The following PSEN1 variants were observed in gnomAD, a reference collection of about 807,000 sequenced individuals.
PSEN1 encodes the protein presenilin-1.
PSEN1 carries 15 observed loss-of-function variants against 53.5 expected under a neutral mutation model. That is an observed-to-expected ratio of 0.28 (90% CI 0.19 to 0.43). The LOEUF (loss-of-function observed/expected upper bound fraction) is 0.43. PSEN1 is among the 20% of genes least tolerant of loss of function. The pLI, the probability that PSEN1 is intolerant of heterozygous loss-of-function variation, is 1.00. For synonymous variants in PSEN1, 208 were observed against 209.8 expected, an observed-to-expected ratio of 0.99 and a Z score of 0.08; for missense variants, 387 against 571.2, an observed-to-expected ratio of 0.68 and a Z score of 3.29.
At chr14:73,184,376 TG>T (rs1898376100) in intron 5 of PSEN1, among the ~76,000 whole-genome samples, 1 of 113,302 alleles carries the variant, frequency 8.8e-6, no homozygotes, top group Non-Finnish European at 1.8e-5. Flanking sequence ...ACGGGGCGGC[TG>T]GCCGGGCGGG....
chr14:73,213,660 CAACATTT>C (rs908233627), intron 10 of PSEN1, among the ~76,000 whole-genome samples: 11 of 152,122 alleles, frequency 7.2e-5, no homozygotes, highest in African/African-American at 2.4e-4. Flanking sequence ...TGTTAAAAGT[CAACATTT>C]AACATTTAAT....
chr14:73,210,993 G>T (rs1043602532), intron 9 of PSEN1, among the ~76,000 whole-genome samples: 1 of 152,018 alleles, frequency 6.6e-6, no homozygotes, highest in African/African-American at 2.4e-5. Context: ...TTCACTCCCC[G>T]CTCCTTTCCC....
At chr14:73,216,701 G>A (rs1328725874) in intron 10 of PSEN1, among the ~76,000 whole-genome samples, 2 of 151,908 alleles carry the variant, frequency 1.3e-5, no homozygotes, top group Non-Finnish European at 2.9e-5. Flanking sequence ...AGAGTCTGCA[G>A]TGAGCCGAGA....
intron 6 of PSEN1, among the ~76,000 whole-genome samples, chr14:73,188,074 G>A (rs952004468): frequency 6.6e-6 from 1 of 151,972 alleles, no homozygotes; most frequent in Admixed American, 6.6e-5. Flanking sequence ...GACTACAGGT[G>A]CGCACCACCA....
chr14:73,207,189 A>G (rs1566650991), intron 9 of PSEN1, among the ~76,000 whole-genome samples: 1 of 152,144 alleles, frequency 6.6e-6, no homozygotes, highest in Non-Finnish European at 1.5e-5. Context: ...ACTTAGGATA[A>G]GAGAGTGAAA....
intron 5 of PSEN1, among the ~76,000 whole-genome samples, chr14:73,181,221 C>T (rs1898202821): frequency 6.6e-6 from 1 of 152,116 alleles, no homozygotes; most frequent in Non-Finnish European, 1.5e-5. Context: ...GGGCGGATCA[C>T]CTGAGGTCAG....
At chr14:73,138,168 T>C (rs531913061) in intron 1 of PSEN1, 33 of 151,540 alleles carry the variant, frequency 2.2e-4, no homozygotes, top group Middle Eastern at 3.4e-3. Context: ...TATCCCTATT[T>C]TAAATTTTCT....
At chr14:73,171,181 G>A in intron 4 of PSEN1, 134 bp downstream of exon 4, 1 of 1,016,758 alleles carries the variant, frequency 9.8e-7, no homozygotes, top group Non-Finnish European at 1.5e-6. Flanking sequence ...TGATGGTCAG[G>A]AGCAGTTGAG....
At chr14:73,188,879 C>G (rs2037676229) in intron 6 of PSEN1, among the ~76,000 whole-genome samples, 1 of 150,792 alleles carries the variant, frequency 6.6e-6, no homozygotes, top group Non-Finnish European at 1.5e-5. Flanking sequence ...ACTTCTGCCT[C>G]CTGGGTTCAA....
At chr14:73,163,732 A>G (rs1280314028) in intron 3 of PSEN1, among the ~76,000 whole-genome samples, 1 of 152,190 alleles carries the variant, frequency 6.6e-6, no homozygotes, top group Non-Finnish European at 1.5e-5. Flanking sequence ...GGCATTCCAG[A>G]TGAACCAGCC....
intron 5 of PSEN1, among the ~76,000 whole-genome samples, chr14:73,185,621 G>A (rs1898481094): frequency 6.9e-6 from 1 of 144,550 alleles, no homozygotes; most frequent in African/African-American, 2.9e-5. Flanking sequence ...GGAGAGAGAG[G>A]GAGAGGGAGA....
Position 73,189,607 on chromosome 14 carries a change from C to T in PSEN1, c.548+2687C>T, listed in dbSNP as rs551648073. ...CACCTGGGCAACAAGAGTGAAACTC[C>T]ATTTCAAAAAAATAAAGTGAAAACA... On this transcript the variant is annotated intron_variant, in intron 6 of 11. Transcript: ENST00000324501. Among the ~76,000 whole-genome samples, 8 of 152,192 alleles carry T rather than the reference C, an allele frequency of 5.3e-5. No individual in the cohort carries two copies. The East Asian group carries it at 1.5e-3, about 29-fold the overall frequency.
At chr14:73,205,478 CAAA>C (rs34992040) in intron 8 of PSEN1, among the ~76,000 whole-genome samples, 4 of 64,668 alleles carry the variant, frequency 6.2e-5, no homozygotes, top group Non-Finnish European at 6.5e-5. Context: ...GACTCTGTCT[CAAA>C]AAAAAAAAAA....
chr14:73,179,811 C>T (rs1266787046), intron 5 of PSEN1, among the ~76,000 whole-genome samples: 1 of 152,122 alleles, frequency 6.6e-6, no homozygotes, highest in Admixed American at 6.5e-5. Context: ...CCCAGCCCAC[C>T]TACCTCTCAT....
Position 73,197,780 on chromosome 14 carries a change from C to T in PSEN1, c.770-251C>T, listed in dbSNP as rs1471473884. 3 of 497,510 alleles carry T rather than the reference C, an allele frequency of 6.0e-6. No homozygotes were observed. In the Admixed American group the frequency reaches 9.8e-5, roughly 16 times the overall value. The allele number at this position is 497,510 out of a possible 1,614,324, so 30.8% of individuals were successfully genotyped here. A position where few individuals can be genotyped will look rare whatever the true frequency, so the allele number is the denominator to read the frequency against. On this transcript the variant is annotated intron_variant, in intron 7 of 11. Coordinates refer to ENST00000324501, the MANE Select transcript of PSEN1 (RefSeq NM_000021.4). Reference sequence around the variant, plus strand: ...TATACCCCAGTAACGATACACTGTACACTAAGCAAATAGCAGTCAAACCCA... The same window carrying T: ...TATACCCCAGTAACGATACACTGTATACTAAGCAAATAGCAGTCAAACCCA...
At position 73,174,062 on chromosome 14, in the gene PSEN1, A is replaced by AAT. The variant is rs199965160; in HGVS notation, c.480+364_480+365dup. ...ATATGTCATGAAAAAATTAGTGTAAAATATATATATTATGATTAGTTATCA... is the reference window on the plus strand; with the variant it reads ...ATATGTCATGAAAAAATTAGTGTAAAATATATATATATTATGATTAGTTATCA... On this transcript the variant is annotated intron_variant, in intron 5 of 11. Transcript: ENST00000324501. The AAT allele has an allele frequency of 1.5e-4, 57 of 375,906 alleles. No homozygotes were observed. The East Asian group carries it at 2.2e-3, about 15-fold the overall frequency. The allele number at this position is 375,906 out of a possible 1,614,324, so 23.3% of individuals were successfully genotyped here. A position where few individuals can be genotyped will look rare whatever the true frequency, so the allele number is the denominator to read the frequency against.
In PSEN1 at chr14:73,219,297, G is replaced by A. The variant is rs1900055668; in HGVS notation, c.*8G>A. The A allele has an allele frequency of 4.3e-6, 7 of 1,610,842 alleles. No individual in the cohort carries two copies. In the East Asian group the frequency reaches 1.6e-4, roughly 36 times the overall value. ...CATCAATTTTATATCTAGCATATTT[G>A]CGGTTAGAATCCCATGGATGTTTCT... On this transcript the variant is annotated 3_prime_UTR_variant, in exon 12 of 12. Transcript: ENST00000324501.
intron 10 of PSEN1, among the ~76,000 whole-genome samples, chr14:73,213,265 T>C (rs1254870788): frequency 6.6e-6 from 1 of 152,192 alleles, no homozygotes; most frequent in Non-Finnish European, 1.5e-5. Flanking sequence ...TCCTCTTTTC[T>C]CACAGGCACC....
In PSEN1 at chr14:73,209,208, G is replaced by A. The variant is rs140717635; in HGVS notation, c.956-2561G>A. Among the ~76,000 whole-genome samples, 1,158 of 152,252 alleles carry A rather than the reference G, an allele frequency of 7.6e-3. 12 individuals are homozygous for A. Among genetic ancestry groups the A allele is most frequent in the Middle Eastern group, 0.01 (3 of 294 alleles). On this transcript the variant is annotated intron_variant, in intron 9 of 11. Transcript: ENST00000324501. ...GACTTCTGCCCCACCAACTCAGAAGGGGGCAGGACTCCCGCCTGTTCCTGG... is the reference window on the plus strand; with the variant it reads ...GACTTCTGCCCCACCAACTCAGAAGAGGGCAGGACTCCCGCCTGTTCCTGG...
Sources: gnomAD v4.1 joint callset for allele counts (sites outside exome capture counted in the v4.1 genomes callset) on GRCh38, gnomAD v4.1.1 for gene constraint, MANE v1.5 for transcripts, NCBI Gene and HGNC (gene_info 2026-07-23, HGNC 2026-07-21) for gene names.